Variants in NECAB1 observed in about 807,000 individuals in gnomAD.
NECAB1 encodes the protein N-terminal EF-hand calcium-binding protein 1.
A neutral mutation model predicts 57.5 loss-of-function variants in NECAB1; 29 were observed. The observed-to-expected ratio is 0.50, with a 90% CI of 0.38 to 0.69. The LOEUF (loss-of-function observed/expected upper bound fraction) is 0.69, where lower values mean the gene tolerates loss of function less well. NECAB1 is among the 30% of genes least tolerant of loss of function. NECAB1 has a pLI of 0.00. For synonymous variants in NECAB1, 142 were observed against 147.7 expected (o/e 0.96, Z 0.28); for missense variants, 372 against 413.8 (o/e 0.90, Z 0.88).
intron 6 of NECAB1, among the ~76,000 whole-genome samples, chr8:90,920,156 C>T (rs1377173792): frequency 6.6e-6 from 1 of 152,168 alleles, no homozygotes; most frequent in Non-Finnish European, 1.5e-5. Context: ...ACATGTCTGA[C>T]TGCAGTTTAA....
chr8:90,880,951 G>T, intron 4 of NECAB1, 82 bp from the exon 5 acceptor site: 1 of 950,996 alleles, frequency 1.1e-6, no homozygotes, highest in Non-Finnish European at 1.6e-6. Flanking sequence ...ACTCATTTAA[G>T]GAGTAAATAA....
At chr8:90,848,780 T>A (rs1274233540) in intron 3 of NECAB1, among the ~76,000 whole-genome samples, 3 of 151,790 alleles carry the variant, frequency 2.0e-5, no homozygotes, top group Non-Finnish European at 4.4e-5. Flanking sequence ...AGGTAAGGAG[T>A]TTGAGACTAG....
rs771373031 is a variant in NECAB1, at chr8:90,955,443, A to G, written c.1031-44A>G. On this transcript the variant is annotated intron_variant, in intron 12 of 12. Coordinates refer to ENST00000417640, the MANE Select transcript of NECAB1 (RefSeq NM_022351.5). ...TTGCACCTTGAATGTTCTTTGCCCT[A>G]TAAGTTATTTTCATTATTTTAGAAA... The G allele has an allele frequency of 2.9e-5, 42 of 1,448,094 alleles. No individual in the cohort carries two copies. The South Asian group carries it at 4.4e-4, about 15-fold the overall frequency. The allele number at this position is 1,448,094 out of a possible 1,614,324, so 89.7% of individuals were successfully genotyped here. A position where few individuals can be genotyped will look rare whatever the true frequency, so the allele number is the denominator to read the frequency against.
intron 8 of NECAB1, among the ~76,000 whole-genome samples, chr8:90,933,987 C>T (rs958768557): frequency 1.3e-5 from 2 of 152,180 alleles, no homozygotes; most frequent in Non-Finnish European, 2.9e-5. Context: ...CCTTTTCTTT[C>T]GTTTACCTTC....
At chr8:90,866,218 A>G (rs967660114) in intron 3 of NECAB1, among the ~76,000 whole-genome samples, 2 of 152,186 alleles carry the variant, frequency 1.3e-5, no homozygotes, top group Non-Finnish European at 2.9e-5. Flanking sequence ...GAATTGAGAG[A>G]TTATAATATT....
At chr8:90,912,208 G>A (rs556384788) in intron 5 of NECAB1, among the ~76,000 whole-genome samples, 3 of 152,058 alleles carry the variant, frequency 2.0e-5, no homozygotes, top group Non-Finnish European at 4.4e-5. Context: ...GTTTGAAGAG[G>A]ATTACTTCCC....
chr8:90,845,020 C>T (rs12114679), intron 3 of NECAB1, among the ~76,000 whole-genome samples: 21,978 of 152,076 alleles, frequency 0.14, 2,944 homozygotes, highest in African/African-American at 0.36. Flanking sequence ...ACTGATGTTC[C>T]GGTTCACGTC....
chr8:90,914,668 T>C (rs1222628393), intron 5 of NECAB1, among the ~76,000 whole-genome samples: 1 of 152,178 alleles, frequency 6.6e-6, no homozygotes. Context: ...CAGAGTGAGA[T>C]AAGAGGGTTA....
chr8:90,942,288 G>A (rs776213582), intron 10 of NECAB1, among the ~76,000 whole-genome samples: 2 of 152,170 alleles, frequency 1.3e-5, no homozygotes, highest in Non-Finnish European at 2.9e-5. Context: ...GACGTGAGCT[G>A]AAGTCACTAT....
chr8:90,933,220 C>T (rs971206304), intron 8 of NECAB1, among the ~76,000 whole-genome samples: 1 of 152,252 alleles, frequency 6.6e-6, no homozygotes, highest in African/African-American at 2.4e-5. Context: ...AGCAATTCCA[C>T]TACTGGGTAT....
At chr8:90,824,570 A>ATTTTTCT in intron 2 of NECAB1, 147 bp from the exon 3 acceptor site, 2 of 468,732 alleles carry the variant, frequency 4.3e-6, no homozygotes, top group Non-Finnish European at 7.7e-6. Flanking sequence ...ATATTAAATT[A>ATTTTTCT]TTTTTCTTTT....
At chr8:90,826,969 A>G (rs1232110090) in intron 3 of NECAB1, among the ~76,000 whole-genome samples, 2 of 151,916 alleles carry the variant, frequency 1.3e-5, no homozygotes, top group South Asian at 2.1e-4. Flanking sequence ...ATTTGGAGCT[A>G]AAGTGTATAT....
At chr8:90,935,953 A>C (rs575942023) in intron 9 of NECAB1, among the ~76,000 whole-genome samples, 5 of 152,312 alleles carry the variant, frequency 3.3e-5, no homozygotes, top group African/African-American at 1.2e-4. Flanking sequence ...ATTTCCAGCC[A>C]TATATAGAGG....
intron 6 of NECAB1, among the ~76,000 whole-genome samples, chr8:90,925,208 T>C (rs979786280): frequency 1.4e-4 from 21 of 152,108 alleles, no homozygotes; most frequent in African/African-American, 4.8e-4. Flanking sequence ...AAAAACTCCA[T>C]AAGTGTTTTC....
At chr8:90,811,238 A>G (rs1481377816) in intron 2 of NECAB1, among the ~76,000 whole-genome samples, 1 of 152,200 alleles carries the variant, frequency 6.6e-6, no homozygotes, top group East Asian at 1.9e-4. Context: ...GGCGTGAGCC[A>G]CTGCACCTGG....
In NECAB1 at chr8:90,862,409, C is replaced by T. The variant is rs529953940; in HGVS notation, c.234-9719C>T. ...TGTTGGGCAGTGAGCATGTATTACCCATTTAAACACAGAGGTATTCTACCT... is the reference window on the plus strand; with the variant it reads ...TGTTGGGCAGTGAGCATGTATTACCTATTTAAACACAGAGGTATTCTACCT... On this transcript the variant is annotated intron_variant, in intron 3 of 12. Coordinates refer to ENST00000417640, the MANE Select transcript of NECAB1 (RefSeq NM_022351.5). Among the ~76,000 whole-genome samples the T allele has an allele frequency of 2.2e-4, 34 of 152,146 alleles. No homozygotes were observed. The South Asian group carries it at 4.4e-3, about 19-fold the overall frequency.
chr8:90,957,240 T>A lies in NECAB1; in HGVS notation c.*1728T>A, dbSNP rs1415893473. On this transcript the variant is annotated 3_prime_UTR_variant, in exon 13 of 13. Transcript: ENST00000417640. ...GACATACAAACTCTTCTTGAGAATG[T>A]TTGTTGTAAATGGTTTCAAAAATAC... is the stretch of plus-strand genomic sequence containing the variant. 6.6e-6 allele frequency: 1 copy of A among 151,946 alleles called. No individual in the cohort carries two copies. Among genetic ancestry groups the A allele is most frequent in the East Asian group, 1.9e-4 (1 of 5,194 alleles). 9.4% of individuals were successfully genotyped at this position (151,946 alleles called of 1,614,324 possible).
intron 2 of NECAB1, among the ~76,000 whole-genome samples, chr8:90,802,857 C>T (rs1300862735): frequency 6.6e-6 from 1 of 152,086 alleles, no homozygotes; most frequent in African/African-American, 2.4e-5. Flanking sequence ...TGAAGCATTT[C>T]ACTATTTTGT....
At chr8:90,934,420 T>C in intron 9 of NECAB1, 63 bp downstream of exon 9, 2 of 1,139,344 alleles carry the variant, frequency 1.8e-6, no homozygotes, top group Non-Finnish European at 2.4e-6. Context: ...ATTTAATTTC[T>C]TCAAAAATTA....
Sources: gnomAD v4.1 joint callset for allele counts (sites outside exome capture counted in the v4.1 genomes callset) on GRCh38, gnomAD v4.1.1 for gene constraint, MANE v1.5 for transcripts, NCBI Gene and HGNC (gene_info 2026-07-23, HGNC 2026-07-21) for gene names.